Variants in SAMD5 observed in about 807,000 individuals in gnomAD.
SAMD5 encodes the protein sterile alpha motif domain containing 5.
In SAMD5, 13 loss-of-function variants were observed where a neutral mutation model predicts 11.3. The ratio of observed to expected loss-of-function variants is 1.15; its 90% CI spans 0.75 to 1.83. The LOEUF is 1.83. Ranked by LOEUF, SAMD5 falls within the 40% of genes most tolerant of loss-of-function variation. The pLI is 0.00. For missense variants in SAMD5, 255 were observed against 239.1 expected, an observed-to-expected ratio of 1.07 and a Z score of -0.44; for synonymous variants, 129 against 111.3, an observed-to-expected ratio of 1.16 and a Z score of -1.00.
At chr6:147,933,366 T>C in the SAMD5 span, among the ~76,000 whole-genome samples, 5 of 152,316 alleles carry the variant, frequency 3.3e-5, no homozygotes, top group South Asian at 1.0e-3. Flanking sequence ...ACAGTGGGAC[T>C]ATTGAAGAGA....
chr6:147,628,777 A>G (rs1220914787), intron 1 of SAMD5, among the ~76,000 whole-genome samples: 1 of 152,184 alleles, frequency 6.6e-6, no homozygotes, highest in East Asian at 1.9e-4. Context: ...CATGGATCTC[A>G]TCATTCTCTG....
At chr6:147,563,790 A>T in intron 1 of SAMD5, among the ~76,000 whole-genome samples, 1 of 147,694 alleles carries the variant, frequency 6.8e-6, no homozygotes, top group East Asian at 1.9e-4. Flanking sequence ...TGTAAGAAAT[A>T]CTTAATTAAC....
the SAMD5 span, among the ~76,000 whole-genome samples, chr6:147,850,939 T>C: frequency 2.7e-5 from 4 of 147,118 alleles, no homozygotes; most frequent in African/African-American, 1.0e-4. Context: ...CCTATGGTTA[T>C]AATTGTTCTT....
the SAMD5 span, among the ~76,000 whole-genome samples, chr6:147,750,214 C>G: frequency 6.6e-6 from 1 of 152,158 alleles, no homozygotes; most frequent in Non-Finnish European, 1.5e-5. Context: ...TCGCTTGACT[C>G]TAAGTGTCAA....
the SAMD5 span, among the ~76,000 whole-genome samples, chr6:147,751,469 G>T: frequency 2.0e-5 from 3 of 152,136 alleles, no homozygotes; most frequent in Non-Finnish European, 4.4e-5. Context: ...GCAAGCACTT[G>T]TTGAAGGAGT....
chr6:147,605,288 T>C (rs1392864365), intron 1 of SAMD5, among the ~76,000 whole-genome samples: 3 of 152,166 alleles, frequency 2.0e-5, no homozygotes, highest in Non-Finnish European at 4.4e-5. Flanking sequence ...AATTTTTACA[T>C]ATTTTTGTAG....
At chr6:147,518,618 A>C (rs1788207960) in intron 1 of SAMD5, among the ~76,000 whole-genome samples, 1 of 152,192 alleles carries the variant, frequency 6.6e-6, no homozygotes, top group Admixed American at 6.5e-5. Context: ...AGACACCCTG[A>C]AGATGAAAGA....
the SAMD5 span, among the ~76,000 whole-genome samples, chr6:147,822,066 ACT>A: frequency 6.6e-6 from 1 of 152,238 alleles, no homozygotes. Context: ...CCTGAAACTA[ACT>A]AGGTATGAAC....
At chr6:147,934,928 T>C in the SAMD5 span, among the ~76,000 whole-genome samples, 1 of 152,086 alleles carries the variant, frequency 6.6e-6, no homozygotes, top group Non-Finnish European at 1.5e-5. Context: ...GGGGGGAAGT[T>C]TGAACTTCCC....
intron 1 of SAMD5, among the ~76,000 whole-genome samples, chr6:147,650,728 A>T (rs1337500032): frequency 6.6e-6 from 1 of 152,202 alleles, no homozygotes; most frequent in African/African-American, 2.4e-5. Flanking sequence ...GGAAACATTC[A>T]CAGAAACAGA....
At chr6:147,802,201 G>A in the SAMD5 span, among the ~76,000 whole-genome samples, 1 of 152,138 alleles carries the variant, frequency 6.6e-6, no homozygotes, top group Non-Finnish European at 1.5e-5. Context: ...CTGCTATAAT[G>A]TACTTGTACA....
At chr6:147,837,274 T>C in the SAMD5 span, among the ~76,000 whole-genome samples, 2 of 152,144 alleles carry the variant, frequency 1.3e-5, no homozygotes, top group African/African-American at 4.8e-5. Context: ...TGGGATAAGA[T>C]GGCATTCTCC....
At chr6:147,755,828 G>A in the SAMD5 span, among the ~76,000 whole-genome samples, 2 of 152,132 alleles carry the variant, frequency 1.3e-5, no homozygotes, top group Admixed American at 1.3e-4. Context: ...TAATTAAACT[G>A]TAAAAAGGGG....
At chr6:147,875,044 C>G in the SAMD5 span, among the ~76,000 whole-genome samples, 1 of 152,050 alleles carries the variant, frequency 6.6e-6, no homozygotes, top group East Asian at 1.9e-4. Context: ...CATTTACTTA[C>G]CTTTTAAGTT....
chr6:147,538,523 T>G (rs1403548722), intron 1 of SAMD5, among the ~76,000 whole-genome samples: 2 of 152,210 alleles, frequency 1.3e-5, no homozygotes, highest in Admixed American at 6.5e-5. Flanking sequence ...AGTGAAAAAC[T>G]TGATAAGTAA....
intron 1 of SAMD5, among the ~76,000 whole-genome samples, chr6:147,673,270 G>C (rs1292534926): frequency 6.6e-6 from 1 of 151,600 alleles, no homozygotes; most frequent in Non-Finnish European, 1.5e-5. Context: ...CAGGAGTGCA[G>C]TGGCGTGATC....
chr6:147,909,246 A>T, the SAMD5 span, among the ~76,000 whole-genome samples: 3 of 152,174 alleles, frequency 2.0e-5, 1 homozygote, highest in South Asian at 6.2e-4. Context: ...GGTAGGAACC[A>T]TCAATCTGTG....
intron 1 of SAMD5, among the ~76,000 whole-genome samples, chr6:147,643,756 G>GGAAT (rs1790349639): frequency 7.1e-6 from 1 of 141,056 alleles, no homozygotes; most frequent in Non-Finnish European, 1.5e-5. Context: ...AAGGAAGGAA[G>GGAAT]GAAGGAAGGA....
In SAMD5 at chr6:147,564,462, A is replaced by T. The variant is rs370324233; in HGVS notation, c.*6A>T. ...AGTCATCACAGAGCCGCTAGATATCATTTTTGAGACCTCGTGGAGGACTGA... is the reference window on the plus strand; with the variant it reads ...AGTCATCACAGAGCCGCTAGATATCTTTTTTGAGACCTCGTGGAGGACTGA... On this transcript the variant is annotated 3_prime_UTR_variant, in exon 2 of 2. Coordinates refer to ENST00000367474, the MANE Select transcript of SAMD5 (RefSeq NM_001030060.3). 1 of 785,788 alleles carries T rather than the reference A, an allele frequency of 1.3e-6. No homozygotes were observed. Among genetic ancestry groups the T allele is most frequent in the Non-Finnish European group, 2.4e-6 (1 of 422,562 alleles). The allele number at this position is 785,788 out of a possible 1,614,324, so 48.7% of individuals were successfully genotyped here.
Sources: gnomAD v4.1 joint callset for allele counts (sites outside exome capture counted in the v4.1 genomes callset) on GRCh38, gnomAD v4.1.1 for gene constraint, MANE v1.5 for transcripts, NCBI Gene and HGNC (gene_info 2026-07-23, HGNC 2026-07-21) for gene names.